The following B3GALT1 variants were observed in gnomAD, a reference collection of about 807,000 sequenced individuals.
B3GALT1 encodes the protein beta-1,3-galactosyltransferase 1, also known as UDP-Gal:betaGlcNAc beta 1,3-galactosyltransferase, polypeptide 1.
A neutral mutation model predicts 23.2 loss-of-function variants in B3GALT1; 10 were observed. The ratio of observed to expected loss-of-function variants is 0.43; its 90% CI spans 0.27 to 0.73. The LOEUF is 0.73. Among genes scored for constraint, B3GALT1 ranks in the 30% least tolerant of loss-of-function variants. B3GALT1 has a pLI of 0.21. For synonymous variants in B3GALT1, 156 were observed against 141.5 expected, an observed-to-expected ratio of 1.10 and a Z score of -0.73; for missense variants, 299 against 405.4, an observed-to-expected ratio of 0.74 and a Z score of 2.25.
intron 3 of B3GALT1, among the ~76,000 whole-genome samples, chr2:167,733,045 A>G (rs947403033): frequency 8.4e-4 from 128 of 152,340 alleles, no homozygotes; most frequent in African/African-American, 3.0e-3. Flanking sequence ...CTGGACTGTA[A>G]AGCATCTACT....
At chr2:167,774,140 C>A (rs1688118568) in intron 3 of B3GALT1, among the ~76,000 whole-genome samples, 1 of 152,056 alleles carries the variant, frequency 6.6e-6, no homozygotes, top group Non-Finnish European at 1.5e-5. Context: ...AATGCGATCA[C>A]CAAAAAAGTA....
At chr2:167,417,188 G>A (rs898586006) in intron 1 of B3GALT1, among the ~76,000 whole-genome samples, 1 of 152,158 alleles carries the variant, frequency 6.6e-6, no homozygotes, top group Non-Finnish European at 1.5e-5. Context: ...GAGAGGTGGG[G>A]CCTTTAAGAG....
intron 3 of B3GALT1, among the ~76,000 whole-genome samples, chr2:167,681,540 C>T (rs966557060): frequency 2.6e-5 from 4 of 152,144 alleles, no homozygotes; most frequent in Non-Finnish European, 4.4e-5. Context: ...AAGCACCTTT[C>T]GTTTGGATTT....
At chr2:167,482,628 A>G (rs1699575506) in intron 1 of B3GALT1, among the ~76,000 whole-genome samples, 1 of 152,158 alleles carries the variant, frequency 6.6e-6, no homozygotes, top group African/African-American at 2.4e-5. Flanking sequence ...AAAATATGCA[A>G]ACAAAACCAA....
intron 1 of B3GALT1, among the ~76,000 whole-genome samples, chr2:167,481,450 C>T (rs1043868223): frequency 6.8e-6 from 1 of 148,130 alleles, no homozygotes; most frequent in Non-Finnish European, 1.5e-5. Context: ...AATGTTCCTC[C>T]GTTAAAACAA....
intron 2 of B3GALT1, among the ~76,000 whole-genome samples, chr2:167,632,407 A>G (rs1341893065): frequency 6.6e-6 from 1 of 152,120 alleles, no homozygotes; most frequent in Non-Finnish European, 1.5e-5. Flanking sequence ...TTACACTCCC[A>G]CCAACATTGC....
intron 1 of B3GALT1, among the ~76,000 whole-genome samples, chr2:167,314,539 G>A (rs116577790): frequency 0.017 from 2,530 of 152,190 alleles, 23 homozygotes; most frequent in Non-Finnish European, 0.025. Context: ...ATCATACCAC[G>A]GATTTACTTT....
At chr2:167,451,987 C>T (rs963647643) in intron 1 of B3GALT1, among the ~76,000 whole-genome samples, 6 of 152,144 alleles carry the variant, frequency 3.9e-5, no homozygotes, top group Non-Finnish European at 7.4e-5. Context: ...CAGTTACACT[C>T]ACCTCCCATG....
At chr2:167,303,081 T>TG (rs1696475991) in intron 1 of B3GALT1, among the ~76,000 whole-genome samples, 1 of 152,294 alleles carries the variant, frequency 6.6e-6, no homozygotes, top group Admixed American at 6.5e-5. Context: ...ATAAAAATAT[T>TG]GGAAAAGAAT....
At chr2:167,528,580 T>C (rs779909734) in intron 2 of B3GALT1, among the ~76,000 whole-genome samples, 15 of 152,108 alleles carry the variant, frequency 9.9e-5, no homozygotes, top group Non-Finnish European at 2.1e-4. Flanking sequence ...TTGCATGACA[T>C]TAGACAAGTC....
At chr2:167,310,688 A>T (rs978682037) in intron 1 of B3GALT1, among the ~76,000 whole-genome samples, 1 of 151,958 alleles carries the variant, frequency 6.6e-6, no homozygotes, top group African/African-American at 2.4e-5. Context: ...GAATGTAGAA[A>T]GGATTTTAGT....
At chr2:167,344,225 C>A (rs1574041200) in intron 1 of B3GALT1, among the ~76,000 whole-genome samples, 1 of 152,128 alleles carries the variant, frequency 6.6e-6, no homozygotes, top group Non-Finnish European at 1.5e-5. Flanking sequence ...AGCAATTGAA[C>A]CAGTTTGTTT....
intron 3 of B3GALT1, among the ~76,000 whole-genome samples, chr2:167,675,497 C>T (rs564138237): frequency 2.6e-5 from 4 of 152,320 alleles, no homozygotes; most frequent in Non-Finnish European, 4.4e-5. Context: ...TAATCAGACA[C>T]TTGCATCGTT....
rs1696287937 is a variant in B3GALT1 at position 167,293,286 on chromosome 2, C to G, written c.-559C>G. On this transcript the variant is annotated 5_prime_UTR_variant, in exon 1 of 5. Transcript: ENST00000392690. ...TCTTCGGGACCCTGGCTGCAGCGTC[C>G]CTGTGGCCCGCGCGCCAGCCCAGCG... 6.6e-6 allele frequency: 1 copy of G among 152,346 alleles called. No individual in the cohort carries two copies. Among genetic ancestry groups the G allele is most frequent in the African/African-American group, 2.4e-5 (1 of 41,584 alleles). 9.4% of individuals were successfully genotyped at this position (152,346 alleles called of 1,614,324 possible).
rs1346230019 is a variant in B3GALT1, at chr2:167,873,027, C to G, written c.*3007C>G. On this transcript the variant is annotated 3_prime_UTR_variant, in exon 5 of 5. Coordinates refer to ENST00000392690, the MANE Select transcript of B3GALT1 (RefSeq NM_020981.4). ...ATCAAGAAAAAGCTCTAACTTTCGA[C>G]TTTTGTTAATTTTATGACATGACAC... The G allele has an allele frequency of 6.6e-6, 1 of 152,128 alleles. No individual in the cohort carries two copies. Among genetic ancestry groups the G allele is most frequent in the Non-Finnish European group, 1.5e-5 (1 of 68,008 alleles). The allele number at this position is 152,128 out of a possible 1,614,324, so 9.4% of individuals were successfully genotyped here.
chr2:167,641,028 C>A (rs1372267425), intron 2 of B3GALT1, among the ~76,000 whole-genome samples: 2 of 152,172 alleles, frequency 1.3e-5, no homozygotes, highest in Non-Finnish European at 2.9e-5. Context: ...CAAAATGAAT[C>A]TCTTCCGTTA....
intron 1 of B3GALT1, among the ~76,000 whole-genome samples, chr2:167,451,897 A>G (rs1186580449): frequency 6.6e-6 from 1 of 152,022 alleles, no homozygotes; most frequent in Non-Finnish European, 1.5e-5. Context: ...TTCTCAGGCC[A>G]ATGGAGTTAA....
intron 1 of B3GALT1, among the ~76,000 whole-genome samples, chr2:167,349,089 A>G (rs2105253612): frequency 6.6e-6 from 1 of 152,318 alleles, no homozygotes; most frequent in African/African-American, 2.4e-5. Context: ...TGTATACAGT[A>G]CTTGCCCCCT....
intron 1 of B3GALT1, among the ~76,000 whole-genome samples, chr2:167,302,727 A>G (rs1414236760): frequency 6.6e-6 from 1 of 152,182 alleles, no homozygotes; most frequent in Non-Finnish European, 1.5e-5. Context: ...TCAAGCTTAA[A>G]TTGAGACAAT....
Sources: allele counts gnomAD v4.1 joint callset (sites outside exome capture counted in the v4.1 genomes callset), GRCh38; gene constraint gnomAD v4.1.1; transcripts MANE v1.5; gene names NCBI Gene and HGNC (gene_info 2026-07-23, HGNC 2026-07-21).